Variants in DENND3 observed in about 807,000 individuals in gnomAD.
DENND3 encodes the protein DENN domain containing 3, also known as DENN domain-containing protein 3.
DENND3 carries 88 observed loss-of-function variants against 135.1 expected under a neutral mutation model. That is an observed-to-expected ratio of 0.65 (90% CI 0.55 to 0.78). DENND3 has a LOEUF of 0.78. DENND3 is among the 30% of genes least tolerant of loss of function. The pLI is 0.00. For synonymous variants in DENND3, 693 were observed against 712.3 expected (o/e 0.97, Z 0.43); for missense variants, 1,392 against 1,688.4 (o/e 0.82, Z 3.08).
intron 13 of DENND3, among the ~76,000 whole-genome samples, chr8:141,172,641 G>A (rs928110049): frequency 1.2e-4 from 19 of 152,172 alleles, no homozygotes; most frequent in African/African-American, 4.1e-4. Context: ...TGATGGCTTC[G>A]CCGATTCACT....
intron 18 of DENND3, 121 bp from the exon 19 acceptor site, chr8:141,188,865 G>A (rs1036842981): frequency 6.8e-5 from 91 of 1,339,274 alleles, no homozygotes; most frequent in Admixed American, 5.0e-4. Flanking sequence ...CTGAGCCGGC[G>A]TGTCCCCTAG....
chr8:141,158,090 C>G (rs1335401575), intron 8 of DENND3: 1 of 1,245,084 alleles, frequency 8.0e-7, no homozygotes, highest in Non-Finnish European at 1.0e-6. Flanking sequence ...GTTCTTGCAT[C>G]TTAAAAAATT....
At chr8:141,136,857 C>G in intron 2 of DENND3, 66 bp downstream of exon 2, 1 of 1,454,412 alleles carries the variant, frequency 6.9e-7, no homozygotes, top group Non-Finnish European at 9.1e-7. Flanking sequence ...GGTCTATTCC[C>G]AGAAACCCAC....
chr8:141,169,118 C>A (rs1218517669), intron 13 of DENND3, among the ~76,000 whole-genome samples: 5 of 152,246 alleles, frequency 3.3e-5, no homozygotes, highest in Non-Finnish European at 7.3e-5. Context: ...CTTGGCCCCC[C>A]AAAGTGCTGG....
Position 141,128,795 on chromosome 8 carries a change from C to T in DENND3, c.88C>T (p.Arg30Ter). 1 of 1,447,036 alleles carries T rather than the reference C, an allele frequency of 6.9e-7. No individual in the cohort carries two copies. The highest frequency in any genetic ancestry group is 2.4e-5 in the Admixed American group (1 of 42,266). 89.6% of individuals were successfully genotyped at this position (1,447,036 alleles called of 1,614,324 possible). A position where few individuals can be genotyped will look rare whatever the true frequency, so the allele number is the denominator to read the frequency against. Residue 30 changes from arginine (R) to a stop codon, truncating the protein, a stop_gained, in exon 1 of 23, where the codon CGA becomes TGA. Transcript: ENST00000519811. LOFTEE classifies it high-confidence loss of function. This position sits in a 1 kb window ranked among gnomAD's most constrained non-coding sequence, Gnocchi z 4.5. Reference sequence around the variant, plus strand: ...GCTGGGCGCCCCCCGGGACAGTCTCCGAAGTCTCGAGCAGGTGAGGGGCGG... The same window carrying T: ...GCTGGGCGCCCCCCGGGACAGTCTCTGAAGTCTCGAGCAGGTGAGGGGCGG... ...ALLGAPRDSLRSLEQVAYKKG... is the reference protein window; with the variant it reads ...ALLGAPRDSL
At chr8:141,158,069 C>A in intron 8 of DENND3, 3 of 1,221,742 alleles carry the variant, frequency 2.5e-6, no homozygotes, top group Non-Finnish European at 3.1e-6. Flanking sequence ...CGGAGAACTA[C>A]CTTTATTATT....
Position 141,192,579 on chromosome 8 carries a change from C to A in DENND3, c.3552C>A (p.Ser1184Arg). The A allele has an allele frequency of 6.3e-7, 1 of 1,579,848 alleles. No individual in the cohort carries two copies. Reference protein sequence around the residue: ...CAGRSEVYIWSLKDLAQPPQR... With the variant: ...CAGRSEVYIWRLKDLAQPPQR... ...GACGCAGCGAGGTTTACATCTGGAG[C>A]CTGAAGGACCTGGCCCAGCCCCCGC... Residue 1184 changes from serine (S) to arginine (R), a missense_variant, in exon 22 of 23, where the codon AGC (serine) becomes AGA (arginine). Coordinates refer to ENST00000519811, the MANE Select transcript of DENND3 (RefSeq NM_001352890.3).
intron 17 of DENND3, among the ~76,000 whole-genome samples, chr8:141,181,586 G>A (rs1213210661): frequency 6.6e-6 from 1 of 152,194 alleles, no homozygotes; most frequent in African/African-American, 2.4e-5. Context: ...GCAGGAGAAG[G>A]AAATGGGCGC....
intron 18 of DENND3, among the ~76,000 whole-genome samples, chr8:141,187,560 T>G (rs1483419205): frequency 6.6e-6 from 1 of 152,106 alleles, no homozygotes; most frequent in East Asian, 1.9e-4. Context: ...TTCCCTTGTC[T>G]AAAAATAATG....
intron 10 of DENND3, among the ~76,000 whole-genome samples, chr8:141,164,287 T>C (rs1589633813): frequency 1.3e-5 from 2 of 152,386 alleles, no homozygotes; most frequent in Non-Finnish European, 1.5e-5. Context: ...CACCTGCTAC[T>C]GAGCATTGGG....
Position 141,176,671 on chromosome 8 carries a change from C to T in DENND3, c.2616C>T (p.Val872=). The change falls in exon 15 of 23, where the codon GTC becomes GTT. Residue 872 remains valine (V), a synonymous_variant. Coordinates refer to ENST00000519811, the MANE Select transcript of DENND3 (RefSeq NM_001352890.3). ...LKIRVASKKE[V]FEANLKTECD... The stretch of plus-strand genomic sequence containing the variant: ...TCAGAGTGGCGTCCAAGAAAGAAGT[C>T]TTCGAAGCCAACCTGAAAACCGAGT... 1 of 1,614,260 alleles carries T rather than the reference C, an allele frequency of 6.2e-7. No individual in the cohort carries two copies. The highest frequency in any genetic ancestry group is 8.5e-7 in the Non-Finnish European group (1 of 1,180,044).
chr8:141,162,349 A>T (rs1364919479), intron 9 of DENND3, among the ~76,000 whole-genome samples: 2 of 152,012 alleles, frequency 1.3e-5, no homozygotes, highest in African/African-American at 4.8e-5. Context: ...AGTCCCAGCC[A>T]CTCCAGAGGC....
At chr8:141,181,377 C>T (rs1823075022) in intron 17 of DENND3, among the ~76,000 whole-genome samples, 1 of 152,252 alleles carries the variant, frequency 6.6e-6, no homozygotes, top group African/African-American at 2.4e-5. Context: ...CGCAGAAGCT[C>T]TTAATGGGAT....
In DENND3 at chr8:141,168,502, G is replaced by A. The variant is rs1197471780; in HGVS notation, c.2252G>A (p.Arg751Gln). 6 of 1,609,390 alleles carry A rather than the reference G, an allele frequency of 3.7e-6. No homozygotes were observed. The highest frequency in any genetic ancestry group is 3.3e-5 in the Admixed American group (2 of 59,864). ...GIVKDASIIH[R>Q]LFEALTVGQE... Reference sequence around the variant, plus strand: ...GTGAAGGACGCCAGCATCATACACCGGCTGTTCGAGGCCTTGACTGTAGGT... The same window carrying A: ...GTGAAGGACGCCAGCATCATACACCAGCTGTTCGAGGCCTTGACTGTAGGT... The change falls in exon 13 of 23, where the codon CGG becomes CAG. Residue 751 changes from arginine to glutamine, a missense_variant. Physicochemically the swap from Arg to Gln is conservative, Grantham distance 43 (BLOSUM62 1). Coordinates refer to ENST00000519811, the MANE Select transcript of DENND3 (RefSeq NM_001352890.3). This position sits in a 1 kb window ranked among gnomAD's most constrained non-coding sequence, Gnocchi z 6.2.
At chr8:141,181,440 A>C (rs1400747427) in intron 17 of DENND3, among the ~76,000 whole-genome samples, 1 of 152,168 alleles carries the variant, frequency 6.6e-6, no homozygotes, top group Non-Finnish European at 1.5e-5. Flanking sequence ...TTGTCATAGG[A>C]ACTGGAATGA....
chr8:141,129,392 A>G (rs1406575554), intron 1 of DENND3, among the ~76,000 whole-genome samples: 2 of 152,160 alleles, frequency 1.3e-5, no homozygotes, highest in Non-Finnish European at 2.9e-5. Context: ...TGAAGCCTAT[A>G]GCTATTTTTC....
intron 11 of DENND3, 149 bp downstream of exon 11, chr8:141,165,438 C>T: frequency 1.7e-6 from 1 of 574,534 alleles, no homozygotes; most frequent in South Asian, 2.3e-5. Context: ...AGCTAGGAAG[C>T]TCTTCTCTCC....
chr8:141,172,965 C>T (rs898353336), intron 13 of DENND3, among the ~76,000 whole-genome samples: 4 of 86,968 alleles, frequency 4.6e-5, no homozygotes, highest in Non-Finnish European at 7.2e-5. Flanking sequence ...TAAAATAAAT[C>T]CAGCAACTCA....
At chr8:141,176,961 G>A in intron 15 of DENND3, 200 bp downstream of exon 15, 1 of 604,658 alleles carries the variant, frequency 1.7e-6, no homozygotes, top group Non-Finnish European at 2.8e-6. Context: ...GCCTCACGGT[G>A]CTACGGAAGA....
Sources: allele counts gnomAD v4.1 joint callset (sites outside exome capture counted in the v4.1 genomes callset), GRCh38; gene constraint gnomAD v4.1.1; non-coding constraint Gnocchi (gnomAD v3.1); transcripts MANE v1.5; gene names NCBI Gene and HGNC (gene_info 2026-07-23, HGNC 2026-07-21).